The following SMAD6 variants were observed in gnomAD, a reference collection of about 807,000 sequenced individuals.
SMAD6 encodes the protein SMAD family member 6, also known as MAD homolog 6.
Under a neutral mutation model 39.4 loss-of-function variants are expected in SMAD6, and 103 were observed. That is an observed-to-expected ratio of 2.62 (90% confidence interval 2.23 to 3.08). The LOEUF is 3.08. Ranked by LOEUF, SMAD6 falls within the 30% of genes most tolerant of loss-of-function variation. The probability of loss-of-function intolerance (pLI) is 0.00; values close to 1 mark genes in which losing one functional copy is unlikely to be tolerated. For synonymous variants in SMAD6, 445 were observed against 353.3 expected, an observed-to-expected ratio of 1.26 and a Z score of -2.91; for missense variants, 1,104 against 742.9, an observed-to-expected ratio of 1.49 and a Z score of -5.65.
chr15:66,780,959 C>T, intron 3 of SMAD6, 38 bp from the exon 4 acceptor site: 2 of 1,511,298 alleles, frequency 1.3e-6, no homozygotes, highest in Non-Finnish European at 1.8e-6. Flanking sequence ...CACCTCCCCA[C>T]CCAGAATAAC....
At position 66,744,647 on chromosome 15, in the gene SMAD6, C is replaced by T. The variant is rs541719071; in HGVS notation, c.952+28149C>T. Among the ~76,000 whole-genome samples, 347 of 152,372 alleles carry T rather than the reference C, an allele frequency of 2.3e-3. 5 individuals carry two copies. Among genetic ancestry groups the T allele is most frequent in the African/African-American group, 8.2e-3 (339 of 41,584 alleles). On this transcript the variant is annotated intron_variant, in intron 3 of 3. Coordinates refer to ENST00000288840, the MANE Select transcript of SMAD6 (RefSeq NM_005585.5). ...TCTTGTTCATGGCTGGCTACACCCC[C>T]TAAGCCTAGAGCCGTGTTGTCATAA...
At chr15:66,763,314 G>T (rs923833061) in intron 3 of SMAD6, among the ~76,000 whole-genome samples, 1 of 152,240 alleles carries the variant, frequency 6.6e-6, no homozygotes, top group Non-Finnish European at 1.5e-5. Context: ...ACCCTGGGGA[G>T]ACTGGCGGCT....
At chr15:66,738,961 C>G (rs1893765011) in intron 3 of SMAD6, among the ~76,000 whole-genome samples, 1 of 152,102 alleles carries the variant, frequency 6.6e-6, no homozygotes. Flanking sequence ...CAAATGGGAC[C>G]CGGGTGTGGA....
At chr15:66,718,441 T>G (rs1182323537) in intron 3 of SMAD6, among the ~76,000 whole-genome samples, 1 of 152,188 alleles carries the variant, frequency 6.6e-6, no homozygotes, top group Non-Finnish European at 1.5e-5. Context: ...CTCATGACTG[T>G]GCAAAAGGAC....
At chr15:66,704,419 C>T (rs529480345) in intron 1 of SMAD6, 19 of 214,484 alleles carry the variant, frequency 8.9e-5, no homozygotes, top group Admixed American at 7.6e-4. Context: ...GTGCTATTTC[C>T]TCCTACCTCA....
At chr15:66,704,423 T>G in intron 1 of SMAD6, 1 of 204,972 alleles carries the variant, frequency 4.9e-6, no homozygotes, top group Non-Finnish European at 9.7e-6. Context: ...TATTTCCTCC[T>G]ACCTCAATTC....
intron 3 of SMAD6, among the ~76,000 whole-genome samples, chr15:66,743,773 A>T (rs750222561): frequency 1.3e-5 from 2 of 152,158 alleles, no homozygotes; most frequent in Non-Finnish European, 2.9e-5. Context: ...AATGGTCTCT[A>T]TGCAGCCAAA....
At position 66,703,873 on chromosome 15, in the gene SMAD6, C is replaced by A; in HGVS notation, c.615C>A (p.Cys205Ter). The change falls in exon 1 of 4, where the codon TGC (cysteine) becomes TGA (stop). Residue 205 changes from cysteine to a stop codon, truncating the protein, a stop_gained. Transcript: ENST00000288840. LOFTEE classifies it high-confidence loss of function. ...VESRGGVPGG[C>*]VLVPRADLRL... ...CCCGCGGCGGCGTGCCGGGCGGCTGCGTGCTGGTGCCGCGCGCCGACCTCC... is the reference window on the plus strand; with the variant it reads ...CCCGCGGCGGCGTGCCGGGCGGCTGAGTGCTGGTGCCGCGCGCCGACCTCC... The A allele has an allele frequency of 3.8e-6, 5 of 1,319,456 alleles. No homozygotes were observed. Among genetic ancestry groups the A allele is most frequent in the Non-Finnish European group, 4.9e-6 (5 of 1,030,894 alleles). 81.7% of individuals were successfully genotyped at this position (1,319,456 alleles called of 1,614,324 possible).
chr15:66,772,613 G>A (rs912026818), intron 3 of SMAD6, among the ~76,000 whole-genome samples: 1 of 152,130 alleles, frequency 6.6e-6, no homozygotes, highest in Non-Finnish European at 1.5e-5. Context: ...CTTATGCAGT[G>A]CCTATTTTGA....
At chr15:66,751,462 T>C (rs1894004864) in intron 3 of SMAD6, among the ~76,000 whole-genome samples, 1 of 152,190 alleles carries the variant, frequency 6.6e-6, no homozygotes, top group Non-Finnish European at 1.5e-5. Flanking sequence ...CCCATGGACC[T>C]CCCATCAGGC....
At chr15:66,724,225 C>G (rs1317466634) in intron 3 of SMAD6, among the ~76,000 whole-genome samples, 1 of 152,088 alleles carries the variant, frequency 6.6e-6, no homozygotes, top group Non-Finnish European at 1.5e-5. Flanking sequence ...TATACTTGGT[C>G]CTGAAGGACC....
intron 2 of SMAD6, among the ~76,000 whole-genome samples, chr15:66,716,105 A>G (rs56173559): frequency 0.23 from 34,889 of 152,170 alleles, 4,249 homozygotes; most frequent in Middle Eastern, 0.33. Flanking sequence ...AACCTTACCC[A>G]CGGAGGCTCC....
Position 66,781,433 on chromosome 15 carries a change from CG to C in SMAD6, c.1390del (p.Val464SerfsTer75). The C allele has an allele frequency of 6.2e-7, 1 of 1,605,272 alleles. No homozygotes were observed. Among genetic ancestry groups the C allele is most frequent in the Non-Finnish European group, 8.5e-7 (1 of 1,178,378 alleles). On this transcript the variant is annotated frameshift_variant, in exon 4 of 4. Transcript: ENST00000288840. LOFTEE classifies it high-confidence loss of function. The stretch of plus-strand genomic sequence containing the variant: ...CCGACGGCCCCTACGACCCCAACAG[CG>C]TCCGCATCAGCTTCGCCAAGGGCTG... ...AADGPYDPNS[V>X]RISFAKGWGP... is the part of the protein sequence containing the mutation.
At chr15:66,780,380 G>A (rs1160930937) in intron 3 of SMAD6, among the ~76,000 whole-genome samples, 1 of 151,938 alleles carries the variant, frequency 6.6e-6, no homozygotes, top group African/African-American at 2.4e-5. Context: ...CCCCCAGCCC[G>A]CCTCCCTGTG....
intron 3 of SMAD6, among the ~76,000 whole-genome samples, chr15:66,773,277 A>C (rs879617068): frequency 2.6e-5 from 4 of 152,144 alleles, no homozygotes; most frequent in Non-Finnish European, 4.4e-5. Context: ...CAGCGTTTGG[A>C]AAGAGTTCAG....
At chr15:66,712,688 C>CAAAAAAAAAAAAAAAAAAAAAA (rs775687604) in intron 2 of SMAD6, among the ~76,000 whole-genome samples, 1 of 49,328 alleles carries the variant, frequency 2.0e-5, no homozygotes, top group Non-Finnish European at 4.3e-5. Flanking sequence ...AATTCTGTCT[C>CAAAAAAAAAAAAAAAAAAAAAA]AAAAAAAAAA....
chr15:66,717,579 T>C (rs904294054), intron 3 of SMAD6: 2 of 409,030 alleles, frequency 4.9e-6, no homozygotes, highest in Non-Finnish European at 1.0e-5. Flanking sequence ...ACTCTAAGGA[T>C]AATGCAGCAC....
In SMAD6 at chr15:66,781,263, G is replaced by T. The variant is rs369404591; in HGVS notation, c.1219G>T (p.Glu407Ter). The T allele has an allele frequency of 1.2e-6, 2 of 1,607,898 alleles. No homozygotes were observed. Among genetic ancestry groups the T allele is most frequent in the Non-Finnish European group, 1.7e-6 (2 of 1,179,116 alleles). Residue 407 changes from glutamate to a stop codon, truncating the protein, a stop_gained, in exon 4 of 4, where the codon GAG becomes TAG. Transcript: ENST00000288840. LOFTEE classifies it high-confidence loss of function. ...CGGCGTGTGGGCCTACAACCGCGGC[G>T]AGCACCCCATCTTCGTCAACTCCCC... ...PDGVWAYNRG[E>*]HPIFVNSPTL...
chr15:66,731,943 CT>C (rs71455528), intron 3 of SMAD6, among the ~76,000 whole-genome samples: 7,040 of 133,144 alleles, frequency 0.053, 439 homozygotes, highest in African/African-American at 0.17. Context: ...CTCATTGTGA[CT>C]TTTTTTTTTT....
Sources: allele counts gnomAD v4.1 joint callset (sites outside exome capture counted in the v4.1 genomes callset), GRCh38; gene constraint gnomAD v4.1.1; transcripts MANE v1.5; gene names NCBI Gene and HGNC (gene_info 2026-07-23, HGNC 2026-07-21).